The following CECR2 variants were observed in gnomAD, a reference collection of about 807,000 sequenced individuals.
CECR2 encodes chromatin remodeling regulator CECR2.
In CECR2, 30 loss-of-function variants were observed where a neutral mutation model predicts 154.5. That is an observed-to-expected ratio of 0.19 (90% CI 0.15 to 0.26). The LOEUF (loss-of-function observed/expected upper bound fraction) is 0.26. Among genes scored for constraint, CECR2 ranks in the 10% least tolerant of loss-of-function variants. The pLI is 1.00. For missense variants in CECR2, 1,743 were observed against 1,829.3 expected, an observed-to-expected ratio of 0.95 and a Z score of 0.86; for synonymous variants, 725 against 683.7, an observed-to-expected ratio of 1.06 and a Z score of -0.94.
At chr22:17,460,314 A>G (rs774942389) in intron 1 of CECR2, among the ~76,000 whole-genome samples, 2 of 152,050 alleles carry the variant, frequency 1.3e-5, no homozygotes, top group Admixed American at 1.3e-4. Context: ...GGTTCAAGCA[A>G]TTCTCCCGCC....
intron 7 of CECR2, 120 bp from the exon 8 acceptor site, chr22:17,511,693 G>A: frequency 1.5e-6 from 1 of 672,214 alleles, no homozygotes. Context: ...GGAAGCCTTT[G>A]GCCCTAACCT....
chr22:17,517,309 A>G (rs1467255184), intron 8 of CECR2, among the ~76,000 whole-genome samples: 1 of 152,188 alleles, frequency 6.6e-6, no homozygotes, highest in Non-Finnish European at 1.5e-5. Flanking sequence ...CACGATTATA[A>G]GTTTCCTGAG....
rs551511076 is a variant in CECR2, at chr22:17,541,720, C to T, written c.1885-119C>T. On this transcript the variant is annotated intron_variant, in intron 14 of 18. Coordinates refer to ENST00000262608, the MANE Select transcript of CECR2 (RefSeq NM_001290047.2). ...TGTTCACAGTCTCCCTGTCTCCAGC[C>T]GAGGTTTAGTCGTCTGTTTTATTTT... The T allele has an allele frequency of 9.4e-4, 1,182 of 1,259,172 alleles. 4 individuals are homozygous for T. The highest frequency in any genetic ancestry group is 3.3e-3 in the Middle Eastern group (17 of 5,106). The allele number at this position is 1,259,172 out of a possible 1,614,324, so 78.0% of individuals were successfully genotyped here.
At chr22:17,450,780 A>T (rs1452331064) in intron 1 of CECR2, among the ~76,000 whole-genome samples, 1 of 152,228 alleles carries the variant, frequency 6.6e-6, no homozygotes, top group Non-Finnish European at 1.5e-5. Flanking sequence ...AATTTTGCCC[A>T]CACAAAAACC....
At chr22:17,506,717 A>G (rs138273522) in intron 7 of CECR2, among the ~76,000 whole-genome samples, 3,067 of 152,158 alleles carry the variant, frequency 0.02, 120 homozygotes, top group African/African-American at 0.071. Flanking sequence ...GCAGTGGCAC[A>G]ATCTTGGCCC....
chr22:17,481,149 C>T (rs1429751541), intron 2 of CECR2, among the ~76,000 whole-genome samples: 2 of 150,040 alleles, frequency 1.3e-5, no homozygotes, highest in East Asian at 3.9e-4. Context: ...CAAGACCATC[C>T]TGGCTAACAC....
At chr22:17,467,849 C>A (rs566632465) in intron 1 of CECR2, among the ~76,000 whole-genome samples, 2 of 152,174 alleles carry the variant, frequency 1.3e-5, no homozygotes, top group Non-Finnish European at 2.9e-5. Context: ...CTTCTGCTTT[C>A]TCTTCTACAC....
rs573447431 is a variant in CECR2 at position 17,411,862 on chromosome 22, T to C, written c.126+41953T>C. ...ATATGATATATATTTTTATGGCTTT[T>C]TAAAGGTAATATATAATAAATGTTT... On this transcript the variant is annotated intron_variant, in intron 1 of 18. Transcript: ENST00000262608. 3.9e-5 allele frequency among the ~76,000 whole-genome samples: 6 copies of C among 152,314 alleles called. No individual in the cohort carries two copies. In the East Asian group the frequency reaches 1.2e-3, roughly 29 times the overall value.
chr22:17,542,083 C>A, intron 15 of CECR2, 74 bp from the exon 16 acceptor site: 1 of 1,572,130 alleles, frequency 6.4e-7, no homozygotes, highest in Non-Finnish European at 8.6e-7. Flanking sequence ...AGAGTCTGTT[C>A]CCATAGAGAA....
At chr22:17,379,581 G>GGT (rs60634016) in intron 1 of CECR2, among the ~76,000 whole-genome samples, 31,563 of 137,612 alleles carry the variant, frequency 0.23, 3,420 homozygotes, top group East Asian at 0.29. Context: ...CTACGTTGAA[G>GGT]GTGTGTGTGT....
intron 6 of CECR2, among the ~76,000 whole-genome samples, chr22:17,504,046 C>CTAAATAAATAAATAAATAAATAAATAAA (rs150862438): frequency 1.9e-3 from 265 of 136,602 alleles, no homozygotes; most frequent in African/African-American, 6.5e-3. Context: ...GACTCTGCCT[C>CTAAATAAATAAATAAATAAATAAATAAA]TAAATAAATA....
intron 17 of CECR2, among the ~76,000 whole-genome samples, chr22:17,549,786 T>TTTG (rs2056679297): frequency 2.2e-5 from 3 of 138,680 alleles, no homozygotes; most frequent in Admixed American, 7.4e-5. Flanking sequence ...ACTTTTTGGT[T>TTTG]TTTTTTTTTT....
chr22:17,421,997 G>C (rs1041931808), intron 1 of CECR2, among the ~76,000 whole-genome samples: 13 of 151,636 alleles, frequency 8.6e-5, no homozygotes, highest in Non-Finnish European at 1.9e-4. Context: ...CTAGGTTGGT[G>C]GGTTTTTTCT....
At chr22:17,511,348 C>T (rs974159144) in intron 7 of CECR2, among the ~76,000 whole-genome samples, 4 of 152,168 alleles carry the variant, frequency 2.6e-5, no homozygotes, top group African/African-American at 9.7e-5. Context: ...CCCACCCCTG[C>T]TCTCTCCCTG....
At chr22:17,511,432 C>T (rs1300834022) in intron 7 of CECR2, among the ~76,000 whole-genome samples, 3 of 152,268 alleles carry the variant, frequency 2.0e-5, no homozygotes, top group Non-Finnish European at 4.4e-5. Flanking sequence ...GGCCCACCTC[C>T]GGCTGCTCCT....
At chr22:17,408,850 G>C (rs1410880527) in intron 1 of CECR2, among the ~76,000 whole-genome samples, 1 of 152,148 alleles carries the variant, frequency 6.6e-6, no homozygotes, top group Non-Finnish European at 1.5e-5. Flanking sequence ...GCTTTCTCTT[G>C]CATTTAGAAT....
At chr22:17,444,112 CTG>C (rs1260887334) in intron 1 of CECR2, among the ~76,000 whole-genome samples, 1 of 152,206 alleles carries the variant, frequency 6.6e-6, no homozygotes, top group African/African-American at 2.4e-5. Flanking sequence ...GTTAGTCGGT[CTG>C]TGGTCTCCCC....
chr22:17,463,332 A>G (rs1287582921), intron 1 of CECR2, among the ~76,000 whole-genome samples: 2 of 152,154 alleles, frequency 1.3e-5, no homozygotes, highest in African/African-American at 4.8e-5. Context: ...ATTGGTACAA[A>G]GGGGTGGAAT....
At chr22:17,361,479 A>C (rs2062977231) in intron 1 of CECR2, among the ~76,000 whole-genome samples, 1 of 152,044 alleles carries the variant, frequency 6.6e-6, no homozygotes, top group Non-Finnish European at 1.5e-5. Flanking sequence ...CATCTCAAAC[A>C]AAACAAAAAA....
Sources: gnomAD v4.1 joint callset for allele counts (sites outside exome capture counted in the v4.1 genomes callset) on GRCh38, gnomAD v4.1.1 for gene constraint, MANE v1.5 for transcripts, NCBI Gene and HGNC (gene_info 2026-07-23, HGNC 2026-07-21) for gene names.